DLG2: variants seen among roughly 807,000 people sequenced by gnomAD.
DLG2 encodes the protein disks large homolog 2.
A neutral mutation model predicts 132.5 loss-of-function variants in DLG2; 45 were observed. That is an observed-to-expected ratio of 0.34 (90% CI 0.27 to 0.44). The LOEUF (loss-of-function observed/expected upper bound fraction) is 0.44, where lower values mean the gene tolerates loss of function less well. Ranked by LOEUF, DLG2 falls within the 20% of genes least tolerant of loss-of-function variation. The pLI is 1.00. For synonymous variants in DLG2, 424 were observed against 419.6 expected (o/e 1.01, Z -0.13); for missense variants, 1,045 against 1,196.9 (o/e 0.87, Z 1.87).
At chr11:84,602,259 T>G (rs1593443117) in intron 6 of DLG2, among the ~76,000 whole-genome samples, 2 of 152,026 alleles carry the variant, frequency 1.3e-5, no homozygotes, top group Admixed American at 1.3e-4. Flanking sequence ...GCATGCAGTG[T>G]CTCAGTTTAT....
chr11:84,697,433 T>C (rs1344156664), intron 6 of DLG2, among the ~76,000 whole-genome samples: 1 of 151,532 alleles, frequency 6.6e-6, no homozygotes, highest in Non-Finnish European at 1.5e-5. Flanking sequence ...GCTATAATTA[T>C]TCAGTTTCAT....
chr11:85,616,493 T>C (rs2081346802), intron 2 of DLG2, among the ~76,000 whole-genome samples: 1 of 152,206 alleles, frequency 6.6e-6, no homozygotes, highest in Non-Finnish European at 1.5e-5. Flanking sequence ...TTTTTTCTCA[T>C]TCCAGCGACA....
intron 3 of DLG2, among the ~76,000 whole-genome samples, chr11:85,390,776 G>A (rs888101260): frequency 8.6e-5 from 13 of 151,924 alleles, no homozygotes; most frequent in African/African-American, 3.1e-4. Context: ...AAACCTCTTG[G>A]ATATAACAAA....
chr11:84,966,130 T>C (rs2053292072), intron 6 of DLG2, among the ~76,000 whole-genome samples: 1 of 152,014 alleles, frequency 6.6e-6, no homozygotes, highest in Admixed American at 6.6e-5. Flanking sequence ...TAAAGGTTAC[T>C]CTTCTTTCAT....
Position 84,006,464 on chromosome 11 carries a change from T to C in DLG2, c.920-25822A>G, listed in dbSNP as rs147895162. Reference sequence around the variant, plus strand: ...CTTGAATTGTTCCCAACACACAGAATAAGTATTTAAGTATTTACGATAAAT... The same window carrying C: ...CTTGAATTGTTCCCAACACACAGAACAAGTATTTAAGTATTTACGATAAAT... On this transcript the variant is annotated intron_variant, in intron 11 of 27. Transcript: ENST00000376104. 8.6e-3 allele frequency among the ~76,000 whole-genome samples: 1,307 copies of C among 151,688 alleles called. 6 individuals carry two copies. The highest frequency in any genetic ancestry group is 0.013 in the Non-Finnish European group (885 of 67,638).
At chr11:84,273,378 C>T in intron 7 of DLG2, 1 of 1,298,002 alleles carries the variant, frequency 7.7e-7, no homozygotes, top group Non-Finnish European at 9.8e-7. Context: ...GCTACACAAA[C>T]TGCTATCTTA....
chr11:84,191,549 A>G (rs1230792462), intron 8 of DLG2, among the ~76,000 whole-genome samples: 1 of 152,226 alleles, frequency 6.6e-6, no homozygotes, highest in Non-Finnish European at 1.5e-5. Context: ...AAAAGAACAC[A>G]TATGTGGGAA....
At chr11:85,213,532 T>C (rs1379845514) in intron 4 of DLG2, among the ~76,000 whole-genome samples, 1 of 152,098 alleles carries the variant, frequency 6.6e-6, no homozygotes, top group Non-Finnish European at 1.5e-5. Flanking sequence ...GAGAAGCAGT[T>C]GTGAAAACCA....
intron 6 of DLG2, among the ~76,000 whole-genome samples, chr11:84,733,604 G>T (rs995196072): frequency 6.6e-6 from 1 of 152,070 alleles, no homozygotes; most frequent in East Asian, 1.9e-4. Flanking sequence ...TCACTCTGAG[G>T]GTAGTTTCTT....
At chr11:84,412,260 T>G (rs1358854512) in intron 7 of DLG2, among the ~76,000 whole-genome samples, 1 of 151,632 alleles carries the variant, frequency 6.6e-6, no homozygotes, top group African/African-American at 2.4e-5. Context: ...ACTTTATTCC[T>G]TGCTATAGAT....
intron 6 of DLG2, among the ~76,000 whole-genome samples, chr11:85,042,510 T>C (rs1391584570): frequency 1.3e-5 from 2 of 151,952 alleles, no homozygotes; most frequent in African/African-American, 4.8e-5. Context: ...ACATGGCTAG[T>C]AAATGGAAGA....
intron 6 of DLG2, among the ~76,000 whole-genome samples, chr11:84,638,776 AT>A (rs1168522222): frequency 6.6e-6 from 1 of 152,062 alleles, no homozygotes; most frequent in African/African-American, 2.4e-5. Context: ...TATTAGTTTG[AT>A]TTCATATTTG....
chr11:85,413,600 C>T (rs1272124323), intron 3 of DLG2, among the ~76,000 whole-genome samples: 1 of 151,914 alleles, frequency 6.6e-6, no homozygotes, highest in East Asian at 1.9e-4. Context: ...AGATGAGGAT[C>T]CAGTTTCATT....
At chr11:83,663,692 C>T (rs2074893083) in intron 18 of DLG2, among the ~76,000 whole-genome samples, 1 of 152,144 alleles carries the variant, frequency 6.6e-6, no homozygotes, top group African/African-American at 2.4e-5. Context: ...CATAAGCCAT[C>T]TGTGGGTTGG....
intron 19 of DLG2, among the ~76,000 whole-genome samples, chr11:83,618,550 G>A (rs1023322693): frequency 3.3e-5 from 5 of 152,092 alleles, no homozygotes; most frequent in Non-Finnish European, 5.9e-5. Flanking sequence ...AAAAGCGGAG[G>A]CCTAGAGGGA....
At chr11:84,738,394 T>C (rs887337859) in intron 6 of DLG2, among the ~76,000 whole-genome samples, 9 of 152,004 alleles carry the variant, frequency 5.9e-5, no homozygotes, top group African/African-American at 1.2e-4. Flanking sequence ...TGAGATAAAA[T>C]AAATATTGCA....
At chr11:85,405,000 C>G (rs771192806) in intron 3 of DLG2, among the ~76,000 whole-genome samples, 5 of 151,800 alleles carry the variant, frequency 3.3e-5, no homozygotes, top group Admixed American at 6.6e-5. Context: ...CTGTATTTTC[C>G]CCCCTAGAGT....
intron 3 of DLG2, among the ~76,000 whole-genome samples, chr11:85,308,611 A>G (rs2080117163): frequency 6.6e-6 from 1 of 152,184 alleles, no homozygotes; most frequent in African/African-American, 2.4e-5. Flanking sequence ...ACCTAAGTGT[A>G]ATGATGATGG....
At chr11:83,909,087 A>G (rs1196887279) in intron 15 of DLG2, among the ~76,000 whole-genome samples, 1 of 152,154 alleles carries the variant, frequency 6.6e-6, no homozygotes. Context: ...ACTGAGTATC[A>G]TCTTGAAGGA....
Sources: gnomAD v4.1 joint callset for allele counts (sites outside exome capture counted in the v4.1 genomes callset) on GRCh38, gnomAD v4.1.1 for gene constraint, MANE v1.5 for transcripts, NCBI Gene and HGNC (gene_info 2026-07-23, HGNC 2026-07-21) for gene names.